Variants in FCRL4 observed in about 807,000 individuals in gnomAD.
FCRL4 encodes Fc receptor-like protein 4.
FCRL4 carries 43 observed loss-of-function variants against 64.1 expected under a neutral mutation model. The observed-to-expected ratio is 0.67, with a 90% CI of 0.53 to 0.87. The LOEUF (loss-of-function observed/expected upper bound fraction) is 0.87, where lower values mean the gene tolerates loss of function less well. FCRL4 is among the 40% of genes least tolerant of loss of function. FCRL4 has a pLI of 0.00. For synonymous variants in FCRL4, 253 were observed against 239.8 expected, an observed-to-expected ratio of 1.05 and a Z score of -0.51; for missense variants, 656 against 613.5, an observed-to-expected ratio of 1.07 and a Z score of -0.73.
chr1:157,582,374 T>C (rs1652581071), intron 6 of FCRL4, among the ~76,000 whole-genome samples: 1 of 152,204 alleles, frequency 6.6e-6, no homozygotes, highest in African/African-American at 2.4e-5. Flanking sequence ...GTCCCGGCTC[T>C]TGAGTTTATA....
intron 2 of FCRL4, among the ~76,000 whole-genome samples, chr1:157,590,881 C>G (rs184643016): frequency 2.0e-5 from 3 of 152,218 alleles, no homozygotes; most frequent in East Asian, 1.9e-4. Context: ...ATCAAGAGAA[C>G]CTTTTTCCTT....
At chr1:157,577,811 G>A (rs1195623140) in intron 10 of FCRL4, among the ~76,000 whole-genome samples, 2 of 152,114 alleles carry the variant, frequency 1.3e-5, no homozygotes, top group East Asian at 3.9e-4. Context: ...AAAAGAACAG[G>A]CAGAATAATA....
intron 2 of FCRL4, among the ~76,000 whole-genome samples, chr1:157,592,233 A>G (rs543473288): frequency 6.6e-6 from 1 of 152,344 alleles, no homozygotes; most frequent in African/African-American, 2.4e-5. Flanking sequence ...AACAAAAGCC[A>G]AAATAGACAA....
chr1:157,587,061 T>C (rs1652717532), intron 5 of FCRL4, among the ~76,000 whole-genome samples: 1 of 152,254 alleles, frequency 6.6e-6, no homozygotes, highest in Non-Finnish European at 1.5e-5. Context: ...GCTGTGATTC[T>C]GAAGTGATAG....
intron 2 of FCRL4, among the ~76,000 whole-genome samples, chr1:157,592,176 A>C (rs959030745): frequency 6.6e-6 from 1 of 152,242 alleles, no homozygotes; most frequent in African/African-American, 2.4e-5. Context: ...CATTCAGGAC[A>C]TAGGCATGGG....
Position 157,584,609 on chromosome 1 carries a change from A to C in FCRL4, c.1135+1559T>G, listed in dbSNP as rs1652632955. Among the ~76,000 whole-genome samples, 6 of 152,074 alleles carry C rather than the reference A, an allele frequency of 3.9e-5. No homozygotes were observed. In the South Asian group the frequency reaches 1.2e-3, roughly 32 times the overall value. On this transcript the variant is annotated intron_variant, in intron 6 of 11. Coordinates refer to ENST00000271532, the MANE Select transcript of FCRL4 (RefSeq NM_031282.3). ...TCTCTGCTGGGAATTACACCCAGTG[A>C]TGTTCCCAGACTGAGATGCAGATTG...
chr1:157,593,421 C>T (rs183194835), intron 2 of FCRL4, among the ~76,000 whole-genome samples: 75 of 152,290 alleles, frequency 4.9e-4, no homozygotes, highest in African/African-American at 1.8e-3. Flanking sequence ...GTTGTAAAGA[C>T]AGAAGTTTGT....
chr1:157,582,569 A>C (rs1652585863), intron 6 of FCRL4, among the ~76,000 whole-genome samples: 1 of 152,218 alleles, frequency 6.6e-6, no homozygotes, highest in African/African-American at 2.4e-5. Flanking sequence ...GGTACCACAG[A>C]ATTGACAGAG....
rs539930670 is a variant in FCRL4 at position 157,589,228 on chromosome 1, G to C, written c.283C>G (p.Pro95Ala). 8.1e-5 allele frequency: 131 copies of C among 1,614,080 alleles called. 1 individual carries two copies. Among genetic ancestry groups the C allele is most frequent in the Non-Finnish European group, 1.0e-4 (121 of 1,179,994 alleles). Residue 95 changes from proline to alanine, a missense_variant, in exon 3 of 12, where the codon CCT (proline) becomes GCT (alanine). Transcript: ENST00000271532. ...CCTGAAGAAAAGAGCAAGCGCACAG[G>C]GTTACTTCGTGGGGAGCCCCGGGCC... ...CQARGSPRSN[P>A]VRLLFSSDSL...
intron 2 of FCRL4, among the ~76,000 whole-genome samples, chr1:157,590,252 G>C (rs1455120148): frequency 6.6e-6 from 1 of 152,040 alleles, no homozygotes; most frequent in African/African-American, 2.4e-5. Context: ...GGAACAGAAG[G>C]GTTTTAGAGT....
In FCRL4 at chr1:157,589,374, C is replaced by A. The variant is rs1283324591; in HGVS notation, c.137G>T (p.Gly46Val). The A allele has an allele frequency of 6.2e-7, 1 of 1,614,028 alleles. No homozygotes were observed. The highest frequency in any genetic ancestry group is 1.3e-5 in the African/African-American group (1 of 74,908). The change falls in exon 3 of 12, where the codon GGA becomes GTA. Residue 46 changes from glycine to valine, a missense_variant. By Grantham distance (109) the Gly-to-Val change is moderately radical. Transcript: ENST00000271532. ...KGERVTLTCNGFQFYATEKTT... is the reference protein window; with the variant it reads ...KGERVTLTCNVFQFYATEKTT... ...TTTCTCTGTTGCATAGAACTGAAATCCATTGCAAGTCAGAGTCACTCTCTC... is the reference window on the plus strand; with the variant it reads ...TTTCTCTGTTGCATAGAACTGAAATACATTGCAAGTCAGAGTCACTCTCTC...
Position 157,586,460 on chromosome 1 carries a change from G to T in FCRL4, c.848-5C>A. 1 of 1,599,750 alleles carries T rather than the reference G, an allele frequency of 6.3e-7. No homozygotes were observed. Reference sequence around the variant, plus strand: ...GCACCCCAGACACAGGGATCCCTATGTGAAAATGAGACCACAGGTGGGGGT... The same window carrying T: ...GCACCCCAGACACAGGGATCCCTATTTGAAAATGAGACCACAGGTGGGGGT... On this transcript the variant is annotated splice_polypyrimidine_tract_variant and splice_region_variant and intron_variant, in intron 5 of 11. Coordinates refer to ENST00000271532, the MANE Select transcript of FCRL4 (RefSeq NM_031282.3).
At chr1:157,579,892 C>T (rs981840205) in intron 8 of FCRL4, among the ~76,000 whole-genome samples, 4 of 152,100 alleles carry the variant, frequency 2.6e-5, no homozygotes, top group Non-Finnish European at 5.9e-5. Context: ...AAGCACATAA[C>T]GTTTAATGAG....
At chr1:157,583,056 G>A (rs1316449399) in intron 6 of FCRL4, among the ~76,000 whole-genome samples, 2 of 152,178 alleles carry the variant, frequency 1.3e-5, no homozygotes, top group African/African-American at 4.8e-5. Context: ...CAGTTAGAAA[G>A]GCACAGATTC....
At chr1:157,587,157 G>T in intron 5 of FCRL4, 119 bp downstream of exon 5, 2 of 1,150,582 alleles carry the variant, frequency 1.7e-6, no homozygotes, top group Non-Finnish European at 2.5e-6. Flanking sequence ...GCACTTCTTG[G>T]CCTAAGCCTG....
chr1:157,585,740 CT>C (rs1652675886), intron 6 of FCRL4, among the ~76,000 whole-genome samples: 2 of 152,070 alleles, frequency 1.3e-5, no homozygotes, highest in Non-Finnish European at 2.9e-5. Context: ...ATGCCTTGTG[CT>C]TTTGGTTCTG....
chr1:157,575,836 C>T, intron 10 of FCRL4, 106 bp from the exon 11 acceptor site: 2 of 981,448 alleles, frequency 2.0e-6, no homozygotes, highest in Non-Finnish European at 3.3e-6. Flanking sequence ...CCCTGTCCAC[C>T]TCATCCCCTC....
chr1:157,596,341 G>A lies in FCRL4; in HGVS notation c.39C>T (p.Val13=). ...ATAAGGACTTACCAGATTGTCCACA[G>A]ACTGGAGCTGAAAGAGAGTAAAGAG... is the stretch of plus-strand genomic sequence containing the variant. ...LWASLLAFAP[V]CGQSAAAHKP... is the part of the protein sequence containing the mutation. Residue 13 remains valine, a synonymous_variant, in exon 2 of 12, where the codon GTC becomes GTT. Transcript: ENST00000271532. 1 of 1,613,998 alleles carries A rather than the reference G, an allele frequency of 6.2e-7. No homozygotes were observed. Among genetic ancestry groups the A allele is most frequent in the South Asian group, 1.1e-5 (1 of 91,060 alleles).
chr1:157,586,111 C>A, intron 6 of FCRL4, 57 bp downstream of exon 6: 1 of 1,515,518 alleles, frequency 6.6e-7, no homozygotes, highest in Non-Finnish European at 8.9e-7. Context: ...CTATCCCCAC[C>A]CTTAATTTGA....
Sources: allele counts gnomAD v4.1 joint callset (sites outside exome capture counted in the v4.1 genomes callset), GRCh38; gene constraint gnomAD v4.1.1; transcripts MANE v1.5; gene names NCBI Gene and HGNC (gene_info 2026-07-23, HGNC 2026-07-21).